The following OR1L8 variants were observed in gnomAD, a reference collection of about 807,000 sequenced individuals.
OR1L8 encodes the protein olfactory receptor family 1 subfamily L member 8.
For missense variants in OR1L8, 330 were observed against 377.4 expected (o/e 0.87, Z 1.04); for synonymous variants, 148 against 147.0 (o/e 1.01, Z -0.05).
At chr9:122,551,190 A>G in the OR1L8 span, among the ~76,000 whole-genome samples, 3 of 152,198 alleles carry the variant, frequency 2.0e-5, no homozygotes, top group Admixed American at 6.5e-5. Flanking sequence ...TTTTAGACCT[A>G]TGAAATTGCT....
At chr9:122,559,220 G>C in the OR1L8 span, among the ~76,000 whole-genome samples, 6 of 151,980 alleles carry the variant, frequency 3.9e-5, no homozygotes, top group African/African-American at 1.2e-4. Flanking sequence ...TAAATCTTCA[G>C]CTTGTAGTAA....
downstream of OR1L8, among the ~76,000 whole-genome samples, chr9:122,562,677 C>G (rs557499484): frequency 6.6e-6 from 1 of 152,246 alleles, no homozygotes; most frequent in Admixed American, 6.5e-5. Flanking sequence ...ACCTGGATAC[C>G]TTGGTTGCCG....
At chr9:122,566,763 G>GC (rs145332485), downstream of OR1L8, among the ~76,000 whole-genome samples, 35,860 of 151,864 alleles carry the variant, frequency 0.24, 4,713 homozygotes, top group Middle Eastern at 0.35. Flanking sequence ...ATTTCTATAG[G>GC]CTAGAGTCCT....
chr9:122,564,644 A>G (rs1829402171), downstream of OR1L8, among the ~76,000 whole-genome samples: 1 of 152,186 alleles, frequency 6.6e-6, no homozygotes, highest in Non-Finnish European at 1.5e-5. Flanking sequence ...CATAAGCTTC[A>G]CCAAGCAGTG....
intron 1 of OR1L8, among the ~76,000 whole-genome samples, chr9:122,581,470 T>A (rs1829737755): frequency 6.6e-6 from 1 of 152,146 alleles, no homozygotes; most frequent in African/African-American, 2.4e-5. Flanking sequence ...TCCAAAAAAT[T>A]TTCAAAAATC....
chr9:122,558,193 C>T, the OR1L8 span, among the ~76,000 whole-genome samples: 1 of 19,646 alleles, frequency 5.1e-5, no homozygotes, highest in Non-Finnish European at 8.8e-5. Flanking sequence ...TAATAATGTC[C>T]TATTGTCCTA....
the OR1L8 span, among the ~76,000 whole-genome samples, chr9:122,555,724 A>G: frequency 6.6e-6 from 1 of 152,180 alleles, no homozygotes; most frequent in African/African-American, 2.4e-5. Flanking sequence ...TTTTAAATAT[A>G]TAGACTTTAC....
the OR1L8 span, among the ~76,000 whole-genome samples, chr9:122,554,749 T>C: frequency 0.02 from 3,030 of 152,252 alleles, 95 homozygotes; most frequent in African/African-American, 0.069. Context: ...AGAAAAAGAA[T>C]TAATATATGT....
the OR1L8 span, among the ~76,000 whole-genome samples, chr9:122,548,603 T>A: frequency 2.0e-5 from 3 of 149,582 alleles, no homozygotes; most frequent in Non-Finnish European, 4.5e-5. Context: ...ATATATATAT[T>A]TTTATTATAC....
At chr9:122,555,698 T>G in the OR1L8 span, among the ~76,000 whole-genome samples, 2 of 152,320 alleles carry the variant, frequency 1.3e-5, no homozygotes, top group East Asian at 3.9e-4. Context: ...CAGGCAGGCA[T>G]GAACATTGCA....
At chr9:122,546,925 C>T in the OR1L8 span, among the ~76,000 whole-genome samples, 2 of 152,024 alleles carry the variant, frequency 1.3e-5, no homozygotes, top group Non-Finnish European at 2.9e-5. Context: ...TCCATCATCT[C>T]GAACATTTAT....
At position 122,583,299 on chromosome 9, in the gene OR1L8, CAG is replaced by C. The variant is rs1255631192; in HGVS notation, c.-600+20_-600+21del. On this transcript the variant is annotated intron_variant, in intron 1 of 4. Transcript: ENST00000641027. ...CAGGGTCATCAAACAAAAAAAAAAA[CAG>C]TAAAATATGAGAAACTCACAGTCAA... 6.7e-6 allele frequency: 1 copy of C among 148,532 alleles called. No homozygotes were observed. Among genetic ancestry groups the C allele is most frequent in the African/African-American group, 2.5e-5 (1 of 40,596 alleles). 9.2% of individuals were successfully genotyped at this position (148,532 alleles called of 1,614,324 possible).
chr9:122,577,422 CT>C (rs1270239894), intron 2 of OR1L8, among the ~76,000 whole-genome samples: 4 of 152,104 alleles, frequency 2.6e-5, no homozygotes, highest in Non-Finnish European at 5.9e-5. Context: ...TTGGGATAGT[CT>C]GTGTTTAAAT....
chr9:122,550,572 G>T, the OR1L8 span, among the ~76,000 whole-genome samples: 4 of 149,620 alleles, frequency 2.7e-5, no homozygotes, highest in Non-Finnish European at 5.9e-5. Context: ...TTTTTTTTTT[G>T]AGGAATACAA....
At chr9:122,561,401 T>G in the OR1L8 span, among the ~76,000 whole-genome samples, 1 of 152,188 alleles carries the variant, frequency 6.6e-6, no homozygotes, top group Non-Finnish European at 1.5e-5. Flanking sequence ...TTGTGATCAT[T>G]TGGAGGAGAA....
At chr9:122,556,151 T>C in the OR1L8 span, among the ~76,000 whole-genome samples, 1 of 152,224 alleles carries the variant, frequency 6.6e-6, no homozygotes, top group African/African-American at 2.4e-5. Flanking sequence ...CAGATTGGCT[T>C]CTTTCACTTA....
At chr9:122,563,710 C>T (rs1397028165), downstream of OR1L8, among the ~76,000 whole-genome samples, 2 of 152,214 alleles carry the variant, frequency 1.3e-5, no homozygotes, top group Non-Finnish European at 2.9e-5. Flanking sequence ...TAAAGCATTT[C>T]CCCTATGGCT....
chr9:122,562,311 A>T (rs1052965338), downstream of OR1L8, among the ~76,000 whole-genome samples: 1 of 152,246 alleles, frequency 6.6e-6, no homozygotes. Flanking sequence ...GAGCTTAGAC[A>T]GCTTAGGCAG....
intron 1 of OR1L8, among the ~76,000 whole-genome samples, chr9:122,580,088 A>G (rs1218771851): frequency 6.6e-6 from 1 of 152,184 alleles, no homozygotes; most frequent in Non-Finnish European, 1.5e-5. Flanking sequence ...GGTCACAAAA[A>G]GTGGACTTCA....
Sources: allele counts gnomAD v4.1 joint callset (sites outside exome capture counted in the v4.1 genomes callset), GRCh38; gene constraint gnomAD v4.1.1; transcripts MANE v1.5; gene names NCBI Gene and HGNC (gene_info 2026-07-23, HGNC 2026-07-21).